The following DCDC1 variants were observed in gnomAD, a reference collection of about 807,000 sequenced individuals.
DCDC1 encodes doublecortin domain containing 1.
Under a neutral mutation model 178.3 loss-of-function variants are expected in DCDC1, and 200 were observed. The observed-to-expected ratio is 1.12, with a 90% confidence interval of 1.00 to 1.26. The LOEUF is 1.26. DCDC1 is among the 50% of genes most tolerant of loss of function. The pLI is 0.00. For synonymous variants in DCDC1, 690 were observed against 604.8 expected (o/e 1.14, Z -2.07); for missense variants, 1,983 against 1,749.2 (o/e 1.13, Z -2.38).
intron 20 of DCDC1, among the ~76,000 whole-genome samples, chr11:31,030,816 C>A (rs1186620718): frequency 6.6e-6 from 1 of 151,464 alleles, no homozygotes; most frequent in African/African-American, 2.4e-5. Context: ...TATTACTGAA[C>A]ATTAATGGCC....
chr11:31,148,223 A>C (rs1028733395), intron 9 of DCDC1, among the ~76,000 whole-genome samples: 20 of 147,982 alleles, frequency 1.4e-4, no homozygotes, highest in East Asian at 9.7e-4. Context: ...AAAAAAAAAA[A>C]AAAAAAAAAA....
At chr11:30,913,114 T>C (rs1291816700) in intron 27 of DCDC1, among the ~76,000 whole-genome samples, 1 of 152,144 alleles carries the variant, frequency 6.6e-6, no homozygotes, top group East Asian at 1.9e-4. Flanking sequence ...CCACACCTAA[T>C]CAACAAGACT....
chr11:31,289,358 T>C (rs1947059324), intron 7 of DCDC1, among the ~76,000 whole-genome samples: 1 of 152,034 alleles, frequency 6.6e-6, no homozygotes, highest in South Asian at 2.1e-4. Flanking sequence ...TGTTATAACT[T>C]GCCTTAGCAA....
At chr11:31,142,361 T>A (rs191433653) in intron 9 of DCDC1, among the ~76,000 whole-genome samples, 3 of 152,180 alleles carry the variant, frequency 2.0e-5, no homozygotes, top group Non-Finnish European at 4.4e-5. Context: ...TTGAAAAGTT[T>A]GAATGTATAA....
intron 21 of DCDC1, chr11:30,943,257 C>T (rs1197864288): frequency 3.9e-5 from 6 of 152,570 alleles, no homozygotes; most frequent in Admixed American, 3.3e-4. Context: ...CAGCTCTTAA[C>T]CAGCAATCTA....
At chr11:31,283,167 GC>G (rs1215405627) in intron 7 of DCDC1, among the ~76,000 whole-genome samples, 1 of 152,098 alleles carries the variant, frequency 6.6e-6, no homozygotes, top group African/African-American at 2.4e-5. Flanking sequence ...AATATTCACA[GC>G]CTTCTCAGTC....
At chr11:30,938,668 C>G (rs1554974867) in intron 21 of DCDC1, among the ~76,000 whole-genome samples, 1 of 152,174 alleles carries the variant, frequency 6.6e-6, no homozygotes, top group Non-Finnish European at 1.5e-5. Flanking sequence ...TTGGCACACC[C>G]AATCCCCATC....
At chr11:31,139,240 G>A (rs567418257) in intron 9 of DCDC1, among the ~76,000 whole-genome samples, 4 of 152,238 alleles carry the variant, frequency 2.6e-5, no homozygotes, top group South Asian at 4.2e-4. Flanking sequence ...AACAACATGT[G>A]GCAGGCTGAA....
chr11:31,166,015 C>A (rs1015711620), intron 9 of DCDC1, among the ~76,000 whole-genome samples: 1 of 152,112 alleles, frequency 6.6e-6, no homozygotes, highest in African/African-American at 2.4e-5. Context: ...AAATGCAGTT[C>A]CTGAGTTTAA....
At position 31,077,923 on chromosome 11, in the gene DCDC1, T is replaced by C. The variant is rs201036016; in HGVS notation, c.2240A>G (p.His747Arg). ...EGYKLILQKR[H>R]SGDDSQKWVF... ...CCACTTCTGAGAGTCATCTCCACTA[T>C]GTCTGTAACGAAAATGTAATTTAGA... is the stretch of plus-strand genomic sequence containing the variant. Residue 747 changes from histidine (H) to arginine (R), a missense_variant and splice_region_variant, in exon 18 of 39, where the codon CAT (histidine) becomes CGT (arginine). Transcript: ENST00000684477. The C allele has an allele frequency of 3.1e-4, 241 of 765,992 alleles. 1 individual carries two copies. The highest frequency in any genetic ancestry group is 1.3e-3 in the Middle Eastern group (6 of 4,460). 47.4% of individuals were successfully genotyped at this position (765,992 alleles called of 1,614,324 possible).
At chr11:30,979,348 C>T (rs1950267417) in intron 20 of DCDC1, among the ~76,000 whole-genome samples, 1 of 152,168 alleles carries the variant, frequency 6.6e-6, no homozygotes, top group Non-Finnish European at 1.5e-5. Flanking sequence ...GCCAAATTAC[C>T]TTCCAAATTA....
chr11:30,990,266 A>T (rs1244945124), intron 20 of DCDC1, among the ~76,000 whole-genome samples: 1 of 152,194 alleles, frequency 6.6e-6, no homozygotes, highest in African/African-American at 2.4e-5. Flanking sequence ...CATTCTTCTT[A>T]TTCCTGTAAG....
At chr11:31,358,298 T>G (rs1480955483) in intron 1 of DCDC1, among the ~76,000 whole-genome samples, 1 of 152,200 alleles carries the variant, frequency 6.6e-6, no homozygotes, top group Non-Finnish European at 1.5e-5. Flanking sequence ...TCTACAAGTA[T>G]CTGATCTTTG....
intron 7 of DCDC1, among the ~76,000 whole-genome samples, chr11:31,274,771 G>A (rs561351271): frequency 6.7e-6 from 1 of 149,098 alleles, no homozygotes; most frequent in South Asian, 2.1e-4. Flanking sequence ...CATGGTCTCT[G>A]CTCACTGAAA....
At chr11:31,274,813 G>A (rs1365386190) in intron 7 of DCDC1, among the ~76,000 whole-genome samples, 1 of 150,910 alleles carries the variant, frequency 6.6e-6, no homozygotes, top group Non-Finnish European at 1.5e-5. Context: ...TGATTCTCCT[G>A]CCTCAGTCTC....
At chr11:31,322,969 A>G (rs1457614368) in intron 3 of DCDC1, among the ~76,000 whole-genome samples, 2 of 152,194 alleles carry the variant, frequency 1.3e-5, no homozygotes, top group Non-Finnish European at 2.9e-5. Flanking sequence ...CTTTATTTTT[A>G]GTTTTATTAA....
At chr11:30,911,595 G>C (rs1479584892) in intron 27 of DCDC1, among the ~76,000 whole-genome samples, 175 bp from the exon 28 acceptor site, 3 of 152,236 alleles carry the variant, frequency 2.0e-5, no homozygotes, top group Admixed American at 2.0e-4. Context: ...TCTCAGTAGA[G>C]AGTGCTGGAA....
chr11:31,059,949 T>C (rs1227771412), intron 20 of DCDC1, among the ~76,000 whole-genome samples: 1 of 152,070 alleles, frequency 6.6e-6, no homozygotes, highest in African/African-American at 2.4e-5. Context: ...GAGTTTCTCA[T>C]TGCTATTGAT....
At chr11:31,242,134 C>G (rs754203796) in intron 8 of DCDC1, among the ~76,000 whole-genome samples, 1 of 151,942 alleles carries the variant, frequency 6.6e-6, no homozygotes, top group Middle Eastern at 3.4e-3. Context: ...CATACAACAG[C>G]GTGGCAAGAC....
Sources: gnomAD v4.1 joint callset for allele counts (sites outside exome capture counted in the v4.1 genomes callset) on GRCh38, gnomAD v4.1.1 for gene constraint, MANE v1.5 for transcripts, NCBI Gene and HGNC (gene_info 2026-07-23, HGNC 2026-07-21) for gene names.